The following LPIN1 variants were observed in gnomAD, a reference collection of about 807,000 sequenced individuals.
The protein encoded by LPIN1 is phosphatidate phosphatase LPIN1.
LPIN1 carries 71 observed loss-of-function variants against 107.5 expected under a neutral mutation model. The ratio of observed to expected loss-of-function variants is 0.66; its 90% CI spans 0.55 to 0.80. The LOEUF (loss-of-function observed/expected upper bound fraction) is 0.80, where lower values mean the gene tolerates loss of function less well. Ranked by LOEUF, LPIN1 falls within the 30% of genes least tolerant of loss-of-function variation. LPIN1 has a pLI of 0.00. For synonymous variants in LPIN1, 445 were observed against 452.6 expected (o/e 0.98, Z 0.21); for missense variants, 1,043 against 1,160.6 (o/e 0.90, Z 1.47).
At chr2:11,733,300 A>G (rs1665437185) in intron 1 of LPIN1, among the ~76,000 whole-genome samples, 1 of 152,156 alleles carries the variant, frequency 6.6e-6, no homozygotes. Flanking sequence ...GGAATGTTTT[A>G]ACACCTCATA....
intron 12 of LPIN1, 108 bp downstream of exon 12, chr2:11,788,564 C>G: frequency 1.1e-6 from 1 of 872,432 alleles, no homozygotes; most frequent in South Asian, 1.4e-5. Flanking sequence ...GTTAATTCCA[C>G]TGTGCTCTTT....
At chr2:11,730,234 G>T (rs774000517) in intron 1 of LPIN1, among the ~76,000 whole-genome samples, 38 of 152,102 alleles carry the variant, frequency 2.5e-4, no homozygotes, top group Non-Finnish European at 4.9e-4. Context: ...TCCAGCTTCA[G>T]TGATTCTTTC....
At position 11,827,050 on chromosome 2, in the gene LPIN1, T is replaced by C. The variant is rs1182777061; in HGVS notation, c.*2259T>C. ...TGACTATAACCCAGTGATGCTGAGG[T>C]CATGTGCTGGAATGCTGTATTTGGA... On this transcript the variant is annotated 3_prime_UTR_variant, in exon 21 of 21. Transcript: ENST00000674199. The surrounding 1 kb of genome is among the most constrained non-coding windows in gnomAD (Gnocchi z 4.1). The C allele has an allele frequency of 6.6e-6, 1 of 152,654 alleles. No homozygotes were observed. Among genetic ancestry groups the C allele is most frequent in the Non-Finnish European group, 1.5e-5 (1 of 68,044 alleles). 9.5% of individuals were successfully genotyped at this position (152,654 alleles called of 1,614,324 possible).
intron 1 of LPIN1, among the ~76,000 whole-genome samples, chr2:11,693,182 T>A (rs1662356773): frequency 6.6e-6 from 1 of 150,726 alleles, no homozygotes; most frequent in African/African-American, 2.5e-5. Flanking sequence ...TCCAAAGGTC[T>A]GTCAGAATCA....
chr2:11,720,289 T>C (rs1022855268), upstream of LPIN1, among the ~76,000 whole-genome samples: 1 of 152,170 alleles, frequency 6.6e-6, no homozygotes, highest in African/African-American at 2.4e-5. Context: ...ACCCATGATA[T>C]GGTATTTAAG....
chr2:11,773,478 C>T, intron 4 of LPIN1, 142 bp from the exon 5 acceptor site: 1 of 707,026 alleles, frequency 1.4e-6, no homozygotes, highest in Non-Finnish European at 2.4e-6. Flanking sequence ...TTTTCCCCCT[C>T]CACTGCCTGG....
intron 1 of LPIN1, among the ~76,000 whole-genome samples, chr2:11,752,433 A>ATTTTCTTTT: frequency 9.6e-6 from 1 of 103,914 alleles, no homozygotes; most frequent in South Asian, 2.7e-4. Flanking sequence ...TTCCAAGGCC[A>ATTTTCTTTT]TTTTTTTTTT....
rs562749554 is a variant in LPIN1 at position 11,824,146 on chromosome 2, A to G, written c.2622-486A>G. ...CTTAGAGAGGTTACGCCATTTGCCC[A>G]CGATCACGCAGCTAGTAAATGGCAG... is the stretch of plus-strand genomic sequence containing the variant. On this transcript the variant is annotated intron_variant, in intron 20 of 20. Transcript: ENST00000674199. Among the ~76,000 whole-genome samples the G allele has an allele frequency of 7.9e-5, 12 of 152,194 alleles. No individual in the cohort carries two copies. The South Asian group carries it at 2.1e-3, about 26-fold the overall frequency.
upstream of LPIN1, among the ~76,000 whole-genome samples, chr2:11,719,981 C>A (rs943056724): frequency 2.6e-5 from 4 of 152,024 alleles, no homozygotes; most frequent in Middle Eastern, 3.4e-3. Context: ...TATTTCCAAT[C>A]CTCCCTTTTA....
intron 1 of LPIN1, among the ~76,000 whole-genome samples, chr2:11,748,706 C>T (rs1013732346): frequency 3.9e-5 from 6 of 152,106 alleles, no homozygotes; most frequent in African/African-American, 1.4e-4. Flanking sequence ...TTGGCTTTTC[C>T]GGACCATCTG....
At chr2:11,747,262 TCTGCAC>T (rs1279570651) in intron 1 of LPIN1, among the ~76,000 whole-genome samples, 6 of 152,376 alleles carry the variant, frequency 3.9e-5, no homozygotes, top group African/African-American at 1.4e-4. Flanking sequence ...CTGCGAGGCC[TCTGCAC>T]CTTTCTTGCA....
intron 20 of LPIN1, among the ~76,000 whole-genome samples, chr2:11,823,450 A>T (rs1430575143): frequency 6.6e-6 from 1 of 152,188 alleles, no homozygotes; most frequent in African/African-American, 2.4e-5. Flanking sequence ...GTATTAGGAG[A>T]CGTCACTTTC....
rs149164881 is a variant in LPIN1, at chr2:11,736,083, A to G, written c.-71-5266A>G. On this transcript the variant is annotated intron_variant, in intron 1 of 21. Transcript: ENST00000396097. ...CCTTAGCTTTGGGGTTCCAGTTTCT[A>G]TGGCTGGTTGGTGAGCTCTGTGTTG... Among the ~76,000 whole-genome samples, 101 of 152,320 alleles carry G rather than the reference A, an allele frequency of 6.6e-4. 1 individual carries two copies. Among genetic ancestry groups the G allele is most frequent in the Middle Eastern group, 6.8e-3 (2 of 294 alleles).
At chr2:11,784,197 G>A (rs540664205) in intron 9 of LPIN1, 24 of 786,236 alleles carry the variant, frequency 3.1e-5, no homozygotes, top group East Asian at 2.8e-4. Flanking sequence ...CCAGCTACTC[G>A]GGAGGCTGAG....
intron 8 of LPIN1, among the ~76,000 whole-genome samples, chr2:11,783,609 G>A (rs1673942374): frequency 6.6e-6 from 1 of 152,146 alleles, no homozygotes; most frequent in African/African-American, 2.4e-5. Flanking sequence ...CACCCTCAAC[G>A]GTACTGTGCC....
At chr2:11,704,714 G>T (rs1056385500) in intron 1 of LPIN1, among the ~76,000 whole-genome samples, 1 of 152,152 alleles carries the variant, frequency 6.6e-6, no homozygotes, top group African/African-American at 2.4e-5. Context: ...GGGGGTAAAT[G>T]TCTCACAGTC....
exon 1 of LPIN1, chr2:11,677,628 AG>A: frequency 6.6e-7 from 1 of 1,522,168 alleles, no homozygotes; most frequent in Non-Finnish European, 8.8e-7. Context: ...GGAGGCAGAC[AG>A]CACCATACAG....
upstream of LPIN1, among the ~76,000 whole-genome samples, chr2:11,720,806 G>A (rs1353011338): frequency 6.6e-6 from 1 of 151,934 alleles, no homozygotes; most frequent in Admixed American, 6.6e-5. Context: ...GAAGCTCTCT[G>A]GCTGATCCAG....
At chr2:11,719,791 CTTTT>C (rs67142448), upstream of LPIN1, among the ~76,000 whole-genome samples, 2 of 132,808 alleles carry the variant, frequency 1.5e-5, no homozygotes, top group African/African-American at 2.8e-5. Context: ...CCAATTGCTT[CTTTT>C]TTTTTTTTTT....
Sources: allele counts gnomAD v4.1 joint callset (sites outside exome capture counted in the v4.1 genomes callset), GRCh38; gene constraint gnomAD v4.1.1; non-coding constraint Gnocchi (gnomAD v3.1); transcripts MANE v1.5; gene names NCBI Gene and HGNC (gene_info 2026-07-23, HGNC 2026-07-21).